Variants in EBF1 observed in about 807,000 individuals in gnomAD.
The protein encoded by EBF1 is transcription factor COE1.
In EBF1, 10 loss-of-function variants were observed where a neutral mutation model predicts 68.4. The observed-to-expected ratio is 0.15, with a 90% CI of 0.09 to 0.25. The LOEUF is 0.25. Ranked by LOEUF, EBF1 falls within the 10% of genes least tolerant of loss-of-function variation. The probability of loss-of-function intolerance (pLI) is 1.00; values close to 1 mark genes in which losing one functional copy is unlikely to be tolerated. For missense variants in EBF1, 509 were observed against 794.4 expected (o/e 0.64, Z 4.32); for synonymous variants, 298 against 299.8 (o/e 0.99, Z 0.06).
chr5:158,828,497 T>A (rs1786720814), intron 7 of EBF1, among the ~76,000 whole-genome samples: 1 of 152,112 alleles, frequency 6.6e-6, no homozygotes, highest in Admixed American at 6.6e-5. Flanking sequence ...AAATTCCCTA[T>A]ATAAGGACTG....
At chr5:158,703,303 A>T (rs1055890372) in intron 15 of EBF1, among the ~76,000 whole-genome samples, 17 of 152,242 alleles carry the variant, frequency 1.1e-4, no homozygotes, top group African/African-American at 3.9e-4. Flanking sequence ...AAGAATAGAA[A>T]GAGGTATCTC....
At chr5:158,866,084 C>T (rs1374505528) in intron 6 of EBF1, among the ~76,000 whole-genome samples, 2 of 152,192 alleles carry the variant, frequency 1.3e-5, no homozygotes, top group East Asian at 3.8e-4. Context: ...GAAATGGAAG[C>T]TCAGAAAGGT....
intron 6 of EBF1, among the ~76,000 whole-genome samples, chr5:158,914,016 T>C (rs1479273174): frequency 2.6e-5 from 4 of 152,022 alleles, no homozygotes; most frequent in Non-Finnish European, 5.9e-5. Context: ...TTCTGAGGAG[T>C]AGAGGCAAAA....
chr5:158,716,769 G>T (rs529780656), intron 11 of EBF1, among the ~76,000 whole-genome samples: 1 of 152,130 alleles, frequency 6.6e-6, no homozygotes, highest in Admixed American at 6.6e-5. Context: ...GCCCCCAGGC[G>T]TGTTTGTGTT....
At chr5:159,092,659 T>A (rs1229638300) in intron 4 of EBF1, among the ~76,000 whole-genome samples, 1 of 152,220 alleles carries the variant, frequency 6.6e-6, no homozygotes, top group Non-Finnish European at 1.5e-5. Flanking sequence ...TGTCCAAAAT[T>A]CCTTTTGAGT....
At chr5:159,000,747 C>T (rs1338653403) in intron 6 of EBF1, among the ~76,000 whole-genome samples, 1 of 152,084 alleles carries the variant, frequency 6.6e-6, no homozygotes, top group Non-Finnish European at 1.5e-5. Context: ...AAGTATGTCA[C>T]ATAACTCAAT....
chr5:158,816,062 C>A (rs1638422761), intron 8 of EBF1, among the ~76,000 whole-genome samples: 1 of 152,102 alleles, frequency 6.6e-6, no homozygotes, highest in South Asian at 2.1e-4. Flanking sequence ...AAGATGACAC[C>A]AATATTTTTC....
chr5:158,701,692 A>T (rs774774154), intron 15 of EBF1, among the ~76,000 whole-genome samples: 6 of 152,248 alleles, frequency 3.9e-5, no homozygotes, highest in African/African-American at 7.2e-5. Flanking sequence ...TGATCTTCTC[A>T]AATGTTTCAA....
At chr5:158,731,293 G>T (rs977620747) in intron 10 of EBF1, 136 bp from the exon 11 acceptor site, 1 of 844,706 alleles carries the variant, frequency 1.2e-6, no homozygotes, top group Non-Finnish European at 1.8e-6. Context: ...CAAGATGGTT[G>T]TGTGAATGAT....
At chr5:158,777,374 C>T in intron 10 of EBF1, 39 bp downstream of exon 10, 2 of 1,543,946 alleles carry the variant, frequency 1.3e-6, no homozygotes, top group Non-Finnish European at 1.8e-6. Context: ...CCCACAAGAC[C>T]ACGGCAGTTC....
At position 159,070,105 on chromosome 5, in the gene EBF1, G is replaced by C. The variant is rs188239267; in HGVS notation, c.554+3291C>G. ...AAAATAATGAAATCTGCTGTTATCAGTTCCTGGTTATTTGCTATTAAACAT... is the reference window on the plus strand; with the variant it reads ...AAAATAATGAAATCTGCTGTTATCACTTCCTGGTTATTTGCTATTAAACAT... On this transcript the variant is annotated intron_variant, in intron 6 of 15. Transcript: ENST00000313708. Among the ~76,000 whole-genome samples, 1,045 of 152,132 alleles carry C rather than the reference G, an allele frequency of 6.9e-3. 11 individuals are homozygous for C. Among genetic ancestry groups the C allele is most frequent in the Non-Finnish European group, 0.012 (835 of 67,970 alleles).
intron 6 of EBF1, among the ~76,000 whole-genome samples, chr5:158,998,708 G>A (rs1162008157): frequency 1.3e-5 from 2 of 152,086 alleles, no homozygotes; most frequent in Admixed American, 1.3e-4. Context: ...ACTATATGTA[G>A]AAAACCATTC....
Position 159,099,489 on chromosome 5 carries a change from T to C in EBF1, c.-11A>G. On this transcript the variant is annotated 5_prime_UTR_variant, in exon 1 of 16. Coordinates refer to ENST00000313708, the MANE Select transcript of EBF1 (RefSeq NM_024007.5). Reference sequence around the variant, plus strand: ...CTGAATCCCAAACATGAAAACAACCTTTTCTTGTGGAAAATCTCCTCCCCC... The same window carrying C: ...CTGAATCCCAAACATGAAAACAACCCTTTCTTGTGGAAAATCTCCTCCCCC... The C allele has an allele frequency of 6.7e-7, 1 of 1,492,660 alleles. No homozygotes were observed. Among genetic ancestry groups the C allele is most frequent in the South Asian group, 1.3e-5 (1 of 74,416 alleles). The allele number at this position is 1,492,660 out of a possible 1,614,324, so 92.5% of individuals were successfully genotyped here.
intron 4 of EBF1, among the ~76,000 whole-genome samples, chr5:159,092,665 T>C (rs1320830548): frequency 2.0e-5 from 3 of 152,220 alleles, no homozygotes; most frequent in Non-Finnish European, 4.4e-5. Flanking sequence ...AAATTCCTTT[T>C]GAGTTTTAAC....
intron 10 of EBF1, among the ~76,000 whole-genome samples, chr5:158,769,048 T>C (rs780926455): frequency 5.9e-5 from 9 of 152,146 alleles, no homozygotes; most frequent in Non-Finnish European, 1.0e-4. Context: ...ACCAGAAATT[T>C]ATAGTTTAGA....
Position 159,096,471 on chromosome 5 carries a change from CCAACTTTCGAGG to C in EBF1, c.292-77_292-66del. 4 of 1,565,662 alleles carry C rather than the reference CCAACTTTCGAGG, an allele frequency of 2.6e-6. No homozygotes were observed. In the South Asian group the frequency reaches 4.6e-5, roughly 18 times the overall value. On this transcript the variant is annotated intron_variant, in intron 2 of 15. Coordinates refer to ENST00000313708, the MANE Select transcript of EBF1 (RefSeq NM_024007.5). ...AGAGAGGTCTGCGTGAGCGAGTGGA[CCAACTTTCGAGG>C]CAACTTTCCCCAAGCCGGGACCCCC...
At chr5:158,762,573 T>C (rs1310671930) in intron 10 of EBF1, among the ~76,000 whole-genome samples, 1 of 152,244 alleles carries the variant, frequency 6.6e-6, no homozygotes, top group Non-Finnish European at 1.5e-5. Flanking sequence ...TCTTGCTCTG[T>C]CACCCAGGCT....
intron 11 of EBF1, among the ~76,000 whole-genome samples, chr5:158,719,918 A>AG (rs1561732848): frequency 6.6e-6 from 1 of 152,018 alleles, no homozygotes; most frequent in African/African-American, 2.4e-5. Flanking sequence ...AGATTGAAAC[A>AG]GAAAAAAAAA....
At chr5:158,732,648 T>A (rs1764344735) in intron 10 of EBF1, among the ~76,000 whole-genome samples, 1 of 152,214 alleles carries the variant, frequency 6.6e-6, no homozygotes, top group African/African-American at 2.4e-5. Flanking sequence ...TACATTGTTT[T>A]ACACAGGTGA....
Sources: allele counts gnomAD v4.1 joint callset (sites outside exome capture counted in the v4.1 genomes callset), GRCh38; gene constraint gnomAD v4.1.1; transcripts MANE v1.5; gene names NCBI Gene and HGNC (gene_info 2026-07-23, HGNC 2026-07-21).